TENM4: variants seen among roughly 807,000 people sequenced by gnomAD.
TENM4 encodes the protein teneurin transmembrane protein 4, also known as teneurin-4.
A neutral mutation model predicts 243.3 loss-of-function variants in TENM4; 82 were observed. The observed-to-expected ratio is 0.34, with a 90% CI of 0.28 to 0.40. TENM4 has a LOEUF of 0.40. TENM4 is among the 10% of genes least tolerant of loss of function. The pLI is 1.00. For synonymous variants in TENM4, 1,412 were observed against 1,456.3 expected (o/e 0.97, Z 0.69); for missense variants, 3,138 against 3,673.3 (o/e 0.85, Z 3.77).
At chr11:79,130,155 C>G (rs1413589892) in intron 4 of TENM4, among the ~76,000 whole-genome samples, 2 of 152,156 alleles carry the variant, frequency 1.3e-5, no homozygotes, top group Non-Finnish European at 2.9e-5. Context: ...TGCAGTTCGG[C>G]TTACAGGAGC....
chr11:78,926,677 G>GTTTTTT (rs754243078), intron 6 of TENM4, among the ~76,000 whole-genome samples: 1 of 127,294 alleles, frequency 7.9e-6, no homozygotes, highest in Non-Finnish European at 1.7e-5. Context: ...GGTGTTTTTT[G>GTTTTTT]TTTTTTTTTT....
intron 6 of TENM4, among the ~76,000 whole-genome samples, chr11:78,986,496 G>A (rs917941359): frequency 6.6e-6 from 1 of 152,176 alleles, no homozygotes; most frequent in Non-Finnish European, 1.5e-5. Context: ...TGGCATAGTA[G>A]TTAAAGGCTG....
chr11:79,395,019 C>G (rs569892), intron 1 of TENM4, among the ~76,000 whole-genome samples: 69,423 of 152,032 alleles, frequency 0.46, 15,777 homozygotes, highest in African/African-American at 0.47. Flanking sequence ...TTTCAGACTT[C>G]TAGCTTCCAG....
intron 12 of TENM4, among the ~76,000 whole-genome samples, chr11:78,833,782 G>A (rs751164086): frequency 1.3e-5 from 2 of 151,478 alleles, no homozygotes; most frequent in African/African-American, 2.5e-5. Context: ...CATGGCTGAC[G>A]TTATCTTTCT....
At chr11:79,158,194 A>T (rs1862663024) in intron 3 of TENM4, among the ~76,000 whole-genome samples, 1 of 152,182 alleles carries the variant, frequency 6.6e-6, no homozygotes, top group African/African-American at 2.4e-5. Context: ...AAGTAAGAAA[A>T]TCTACTTTTG....
intron 6 of TENM4, among the ~76,000 whole-genome samples, chr11:78,958,911 G>GAGAT (rs1295104092): frequency 6.6e-6 from 1 of 152,250 alleles, no homozygotes; most frequent in African/African-American, 2.4e-5. Context: ...TGGGGGTGTG[G>GAGAT]AGATAGGGAA....
chr11:79,300,291 A>G (rs1402790220), intron 1 of TENM4, among the ~76,000 whole-genome samples: 4 of 152,226 alleles, frequency 2.6e-5, no homozygotes, highest in Non-Finnish European at 5.9e-5. Context: ...GTACATTCAG[A>G]TGCTTTACAA....
At chr11:78,895,137 A>T (rs541890500) in intron 7 of TENM4, among the ~76,000 whole-genome samples, 16 of 151,946 alleles carry the variant, frequency 1.1e-4, no homozygotes, top group Non-Finnish European at 2.1e-4. Context: ...AGGTCAGGAG[A>T]TCGAGACCAT....
intron 1 of TENM4, among the ~76,000 whole-genome samples, chr11:79,305,478 T>G (rs1462129783): frequency 6.6e-6 from 1 of 152,060 alleles, no homozygotes; most frequent in African/African-American, 2.4e-5. Context: ...GAGGAAGAGG[T>G]CAACTCTACC....
In TENM4 at chr11:78,880,966, G is replaced by A. The variant is rs546478271; in HGVS notation, c.1084+8819C>T. Among the ~76,000 whole-genome samples the A allele has an allele frequency of 3.9e-5, 6 of 152,310 alleles. No homozygotes were observed. In the South Asian group the frequency reaches 1.0e-3, roughly 26 times the overall value. Reference sequence around the variant, plus strand: ...CTTTTGGGGGTGATGGAATGGTTATGTGTTTTGACTGTGGTGGTGGTCACG... The same window carrying A: ...CTTTTGGGGGTGATGGAATGGTTATATGTTTTGACTGTGGTGGTGGTCACG... On this transcript the variant is annotated intron_variant, in intron 9 of 33. Transcript: ENST00000278550.
chr11:79,274,280 C>T (rs757210182), intron 2 of TENM4, among the ~76,000 whole-genome samples: 9 of 152,208 alleles, frequency 5.9e-5, no homozygotes, highest in African/African-American at 1.7e-4. Context: ...CACAAATTCT[C>T]GTGAAGGTCT....
intron 9 of TENM4, among the ~76,000 whole-genome samples, chr11:78,882,050 C>T (rs533831464): frequency 2.0e-4 from 30 of 152,320 alleles, no homozygotes; most frequent in African/African-American, 6.3e-4. Flanking sequence ...TCTCCATTTC[C>T]CATTCTTTGG....
chr11:79,051,566 G>T (rs983963037), intron 6 of TENM4, among the ~76,000 whole-genome samples: 4 of 152,196 alleles, frequency 2.6e-5, no homozygotes, highest in African/African-American at 9.7e-5. Flanking sequence ...ATAGCCCTGG[G>T]TTAGCTATCA....
rs1859306305 is a variant in TENM4, at chr11:78,708,354, A to G, written c.4209+7T>C. On this transcript the variant is annotated splice_region_variant and intron_variant, in intron 27 of 33. Transcript: ENST00000278550. ...TCCCAGGGCTTTGGTAGATGAAGCC[A>G]TCTTACCTGGGAAATATCCATGACA... The G allele has an allele frequency of 1.2e-6, 2 of 1,613,820 alleles. No individual in the cohort carries two copies. Among genetic ancestry groups the G allele is most frequent in the African/African-American group, 1.3e-5 (1 of 74,950 alleles).
intron 17 of TENM4, among the ~76,000 whole-genome samples, chr11:78,773,107 C>T (rs1030426516): frequency 3.3e-5 from 5 of 152,172 alleles, no homozygotes; most frequent in African/African-American, 7.2e-5. Flanking sequence ...TCCGTCCAGC[C>T]GGGACTTGTT....
intron 7 of TENM4, among the ~76,000 whole-genome samples, chr11:78,895,371 GT>G (rs1855768748): frequency 2.0e-5 from 3 of 151,690 alleles, no homozygotes; most frequent in Non-Finnish European, 1.5e-5. Flanking sequence ...AAATAGTCTT[GT>G]TCTGTACTTT....
intron 6 of TENM4, among the ~76,000 whole-genome samples, chr11:79,024,649 C>A (rs1859027958): frequency 6.6e-6 from 1 of 152,170 alleles, no homozygotes; most frequent in Non-Finnish European, 1.5e-5. Flanking sequence ...GCTTCTTTTG[C>A]ATCCTCCATA....
At chr11:79,095,716 G>A (rs1019585543) in intron 4 of TENM4, among the ~76,000 whole-genome samples, 7 of 152,350 alleles carry the variant, frequency 4.6e-5, no homozygotes, top group Middle Eastern at 3.4e-3. Context: ...CTTAGCCATT[G>A]TAGTACTAGT....
intron 15 of TENM4, among the ~76,000 whole-genome samples, chr11:78,800,194 C>T (rs1456045233): frequency 3.9e-5 from 6 of 152,142 alleles, no homozygotes; most frequent in African/African-American, 1.4e-4. Context: ...GGGTGAAAAG[C>T]CAACTAAAGC....
Sources: gnomAD v4.1 joint callset for allele counts (sites outside exome capture counted in the v4.1 genomes callset) on GRCh38, gnomAD v4.1.1 for gene constraint, MANE v1.5 for transcripts, NCBI Gene and HGNC (gene_info 2026-07-23, HGNC 2026-07-21) for gene names.